NPC1: variants seen among roughly 807,000 people sequenced by gnomAD.
NPC1 encodes the protein NPC intracellular cholesterol transporter 1, also known as Niemann-Pick C1 protein.
In NPC1, 85 loss-of-function variants were observed where a neutral mutation model predicts 140.4. That is an observed-to-expected ratio of 0.61 (90% CI 0.51 to 0.72). The LOEUF is 0.72. Among genes scored for constraint, NPC1 ranks in the 30% least tolerant of loss-of-function variants. NPC1 has a pLI of 0.00. For missense variants in NPC1, 1,504 were observed against 1,623.8 expected, an observed-to-expected ratio of 0.93 and a Z score of 1.27; for synonymous variants, 656 against 624.8, an observed-to-expected ratio of 1.05 and a Z score of -0.74.
At position 23,531,715 on chromosome 18, in the gene NPC1, T is replaced by C. The variant is rs1331641081; in HGVS notation, c.*487A>G. On this transcript the variant is annotated 3_prime_UTR_variant, in exon 25 of 25. Coordinates refer to ENST00000269228, the MANE Select transcript of NPC1 (RefSeq NM_000271.5). ...CCTACAACATTCTGAAATCACTTGCTGTTTTTTTATATAAAAATGTGTACA... is the reference window on the plus strand; with the variant it reads ...CCTACAACATTCTGAAATCACTTGCCGTTTTTTTATATAAAAATGTGTACA... 1 of 1,599,870 alleles carries C rather than the reference T, an allele frequency of 6.3e-7. No individual in the cohort carries two copies. The highest frequency in any genetic ancestry group is 2.2e-5 in the East Asian group (1 of 44,816).
intron 9 of NPC1, 99 bp downstream of exon 9, chr18:23,554,659 G>T: frequency 2.4e-6 from 2 of 838,826 alleles, no homozygotes; most frequent in East Asian, 2.6e-5. Flanking sequence ...CTTGTTGTTT[G>T]CTCACCTCTG....
At position 23,586,472 on chromosome 18, in the gene NPC1, AC is replaced by A; in HGVS notation, c.-130del. On this transcript the variant is annotated 5_prime_UTR_variant, in exon 1 of 25. Coordinates refer to ENST00000269228, the MANE Select transcript of NPC1 (RefSeq NM_000271.5). ...AGCGGAGGAGCAGGAGCAGGCGCTGACCGCGGCAGCAGGCTGCGCGCGCCGG... is the reference window on the plus strand; with the variant it reads ...AGCGGAGGAGCAGGAGCAGGCGCTGACGCGGCAGCAGGCTGCGCGCGCCGG... 6.9e-7 allele frequency: 1 copy of A among 1,455,240 alleles called. No individual in the cohort carries two copies. The highest frequency in any genetic ancestry group is 2.4e-5 in the Admixed American group (1 of 40,936). The allele number at this position is 1,455,240 out of a possible 1,614,324, so 90.1% of individuals were successfully genotyped here.
At chr18:23,575,769 CAAAAAAAAAAAAA>C (rs35922440) in intron 1 of NPC1, among the ~76,000 whole-genome samples, 2 of 35,082 alleles carry the variant, frequency 5.7e-5, no homozygotes, top group Non-Finnish European at 1.2e-4. Context: ...CAGAGAAGAC[CAAAAAAAAAAAAA>C]AAAAAAAAAA....
chr18:23,543,695 A>C, intron 13 of NPC1, 126 bp from the exon 14 acceptor site: 1 of 673,942 alleles, frequency 1.5e-6, no homozygotes, highest in South Asian at 1.7e-5. Context: ...GTGTCTTCTA[A>C]GCATATAAAC....
intron 4 of NPC1, among the ~76,000 whole-genome samples, chr18:23,562,610 A>G (rs1186995121): frequency 1.3e-5 from 2 of 152,124 alleles, no homozygotes; most frequent in South Asian, 4.1e-4. Flanking sequence ...ATTGCCTTCC[A>G]GGCTCTATCA....
At chr18:23,576,565 T>C (rs932784228) in intron 1 of NPC1, 6 of 959,882 alleles carry the variant, frequency 6.3e-6, no homozygotes, top group Non-Finnish European at 7.5e-6. Flanking sequence ...TTGGTCTCAC[T>C]GACTTCAAGA....
intron 1 of NPC1, among the ~76,000 whole-genome samples, chr18:23,584,638 C>T (rs931749635): frequency 6.6e-6 from 1 of 152,106 alleles, no homozygotes; most frequent in Non-Finnish European, 1.5e-5. Flanking sequence ...GAGGGCGGAT[C>T]GCTAGAGGTC....
chr18:23,567,796 G>T (rs959950146), intron 4 of NPC1, among the ~76,000 whole-genome samples: 15 of 152,306 alleles, frequency 9.8e-5, no homozygotes, highest in Middle Eastern at 3.4e-3. Flanking sequence ...AATTATGGTT[G>T]TAAGTGGTGG....
chr18:23,560,344 A>G lies in NPC1; in HGVS notation c.768T>C (p.Pro256=). 2 of 1,614,234 alleles carry G rather than the reference A, an allele frequency of 1.2e-6. No homozygotes were observed. Among genetic ancestry groups the G allele is most frequent in the South Asian group, 2.2e-5 (2 of 91,090 alleles). Residue 256 remains proline, a synonymous_variant, in exon 6 of 25, where the codon CCT becomes CCC. Transcript: ENST00000269228. ...AGCCAAGGATCGTCCAGGGAGCAGGAGGAGGTGGGGGCTGGGGCTTGGGGC... is the reference window on the plus strand; with the variant it reads ...AGCCAAGGATCGTCCAGGGAGCAGGGGGAGGTGGGGGCTGGGGCTTGGGGC... ...VCGPKPQPPP[P]PAPWTILGLD...
At chr18:23,570,112 T>G (rs983518911) in intron 3 of NPC1, among the ~76,000 whole-genome samples, 2 of 152,220 alleles carry the variant, frequency 1.3e-5, no homozygotes. Flanking sequence ...ACTGCTTTAC[T>G]GCAACAAAGC....
At chr18:23,518,944 C>T, downstream of NPC1, 1 of 1,614,180 alleles carries the variant, frequency 6.2e-7, no homozygotes, top group South Asian at 1.1e-5. Context: ...CCTCCAACAG[C>T]ACAGGAGCGG....
At chr18:23,554,714 G>T in intron 9 of NPC1, 44 bp downstream of exon 9, 1 of 1,510,096 alleles carries the variant, frequency 6.6e-7, no homozygotes, top group Non-Finnish European at 9.2e-7. Context: ...CCCTAAGTCA[G>T]ACCCAAGAAT....
chr18:23,556,802 C>T (rs1316757753), intron 7 of NPC1, 189 bp from the exon 8 acceptor site: 8 of 861,562 alleles, frequency 9.3e-6, no homozygotes, highest in African/African-American at 5.0e-5. Flanking sequence ...CCTCAATGAG[C>T]GCTATTCCCA....
At chr18:23,529,226 G>A (rs1024959433), downstream of NPC1, 14 of 1,613,882 alleles carry the variant, frequency 8.7e-6, 1 homozygote, top group East Asian at 2.2e-5. Flanking sequence ...TCAAGAGGCC[G>A]GTGCGGACCC....
intron 23 of NPC1, chr18:23,534,213 G>C (rs1018052351): frequency 3.3e-6 from 2 of 605,446 alleles, no homozygotes; most frequent in Non-Finnish European, 5.9e-6. Flanking sequence ...TGTTTAACTT[G>C]TCTGTTATTT....
At chr18:23,542,689 A>C (rs1031882629) in intron 14 of NPC1, among the ~76,000 whole-genome samples, 1 of 152,218 alleles carries the variant, frequency 6.6e-6, no homozygotes, top group Non-Finnish European at 1.5e-5. Flanking sequence ...TGCTTCCCCA[A>C]TGAGTTGTGT....
chr18:23,541,035 G>A, intron 16 of NPC1, 33 bp downstream of exon 16: 1 of 1,611,850 alleles, frequency 6.2e-7, no homozygotes. Flanking sequence ...GTTTCAGTGA[G>A]AGGAAAGAGA....
At chr18:23,568,322 A>AT (rs1276382503) in intron 4 of NPC1, among the ~76,000 whole-genome samples, 2 of 151,990 alleles carry the variant, frequency 1.3e-5, no homozygotes, top group Admixed American at 6.6e-5. Flanking sequence ...TTTCTATGGA[A>AT]TTTTTTTGTT....
At chr18:23,532,706 T>A (rs1345711406) in intron 24 of NPC1, among the ~76,000 whole-genome samples, 1 of 151,286 alleles carries the variant, frequency 6.6e-6, no homozygotes, top group African/African-American at 2.4e-5. Flanking sequence ...TTTTTTTTTT[T>A]TTTTTTCTTA....
Sources: gnomAD v4.1 joint callset for allele counts (sites outside exome capture counted in the v4.1 genomes callset) on GRCh38, gnomAD v4.1.1 for gene constraint, MANE v1.5 for transcripts, NCBI Gene and HGNC (gene_info 2026-07-23, HGNC 2026-07-21) for gene names.